The following GOLGA2 variants were observed in gnomAD, a reference collection of about 807,000 sequenced individuals.
The protein encoded by GOLGA2 is golgin A2.
A neutral mutation model predicts 148.8 loss-of-function variants in GOLGA2; 49 were observed. The observed-to-expected ratio is 0.33, with a 90% CI of 0.26 to 0.42. The LOEUF (loss-of-function observed/expected upper bound fraction) is 0.42. Ranked by LOEUF, GOLGA2 falls within the 10% of genes least tolerant of loss-of-function variation. The probability of loss-of-function intolerance (pLI) is 1.00; values close to 1 mark genes in which losing one functional copy is unlikely to be tolerated. For synonymous variants in GOLGA2, 501 were observed against 511.8 expected, an observed-to-expected ratio of 0.98 and a Z score of 0.28; for missense variants, 1,178 against 1,304.6, an observed-to-expected ratio of 0.90 and a Z score of 1.49.
chr9:128,261,109 TA>T lies in GOLGA2; in HGVS notation c.1420+62del. 1 of 1,170,576 alleles carries T rather than the reference TA, an allele frequency of 8.5e-7. No individual in the cohort carries two copies. Among genetic ancestry groups the T allele is most frequent in the Non-Finnish European group, 1.3e-6 (1 of 776,550 alleles). The allele number at this position is 1,170,576 out of a possible 1,614,324, so 72.5% of individuals were successfully genotyped here. A position where few individuals can be genotyped will look rare whatever the true frequency, so the allele number is the denominator to read the frequency against. On this transcript the variant is annotated intron_variant, in intron 17 of 26. Transcript: ENST00000611957. This position sits in a 1 kb window ranked among gnomAD's most constrained non-coding sequence, Gnocchi z 5.7. ...ATCCACCCAACTCCCTGGGGCATTC[TA>T]AACCACCCCCACAACCCTCTGACAC...
intron 1 of GOLGA2, 38 bp from the exon 2 acceptor site, chr9:128,274,010 C>T (rs762611189): frequency 8.1e-6 from 13 of 1,596,646 alleles, no homozygotes; most frequent in South Asian, 4.4e-5. Flanking sequence ...ATGAGATCTA[C>T]AAGCCCCCAC....
At chr9:128,267,298 A>C in intron 7 of GOLGA2, 24 bp from the exon 8 acceptor site, 1 of 1,542,046 alleles carries the variant, frequency 6.5e-7, no homozygotes. Flanking sequence ...AGAGAGGAGG[A>C]GTTGGAGGAG....
At chr9:128,263,584 A>AT (rs1264556863) in intron 12 of GOLGA2, among the ~76,000 whole-genome samples, 1 of 151,796 alleles carries the variant, frequency 6.6e-6, no homozygotes, top group African/African-American at 2.4e-5. Context: ...CACCCGGCTA[A>AT]TTTTTTTGTA....
rs1290233015 is a variant in GOLGA2, at chr9:128,260,675, G to T, written c.1548C>A (p.Asp516Glu). The T allele has an allele frequency of 6.2e-7, 1 of 1,613,324 alleles. No individual in the cohort carries two copies. The highest frequency in any genetic ancestry group is 8.5e-7 in the Non-Finnish European group (1 of 1,179,990). The change falls in exon 18 of 27, where the codon GAC becomes GAA. Residue 516 changes from aspartate to glutamate, a missense_variant. By Grantham distance (45) the Asp-to-Glu change is conservative. Around this residue, in one of 5 missense-constraint regions of GOLGA2, gnomAD observed 529 missense variants for 521.8 expected, o/e 1.01. Coordinates refer to ENST00000611957, the MANE Select transcript of GOLGA2 (RefSeq NM_001366244.2). The surrounding 1 kb of genome is among the most constrained non-coding windows in gnomAD (Gnocchi z 4.8). Reference protein sequence around the residue: ...LAGQLQAQVQDNEGLSRLNRE... With the variant: ...LAGQLQAQVQENEGLSRLNRE... ...GGTTCAGGCGACTCAAGCCCTCATTGTCTTGCACCTGGGCTTGAAGCTGTC... is the reference window on the plus strand; with the variant it reads ...GGTTCAGGCGACTCAAGCCCTCATTTTCTTGCACCTGGGCTTGAAGCTGTC...
chr9:128,275,962 G>T lies in GOLGA2; in HGVS notation c.15C>A (p.Pro5=). 1 of 1,596,358 alleles carries T rather than the reference G, an allele frequency of 6.3e-7. No individual in the cohort carries two copies. The highest frequency in any genetic ancestry group is 2.3e-5 in the East Asian group (1 of 44,364). ...ACATCGCGGGGCGGGGAGGGAGGCG[G>T]GGTTGGGGCCACATCAGCGCGATCC... The part of the protein sequence containing the change: MWPQ[P]RLPPRPAMSE... Residue 5 remains proline, a synonymous_variant, in exon 1 of 27, where the codon CCC becomes CCA. Transcript: ENST00000611957.
At position 128,258,285 on chromosome 9, in the gene GOLGA2, T is replaced by A. The variant is rs1830030806; in HGVS notation, c.2290-87A>T. Reference sequence around the variant, plus strand: ...AGAGAGCAGCCCTTCCCTTGGGGCCTCAGAGGGTGCACTTGTTGGTCCCAA... The same window carrying A: ...AGAGAGCAGCCCTTCCCTTGGGGCCACAGAGGGTGCACTTGTTGGTCCCAA... On this transcript the variant is annotated intron_variant, in intron 22 of 26. Transcript: ENST00000611957. This position sits in a 1 kb window ranked among gnomAD's most constrained non-coding sequence, Gnocchi z 6.6. 2.5e-6 allele frequency: 3 copies of A among 1,181,948 alleles called. No individual in the cohort carries two copies. Among genetic ancestry groups the A allele is most frequent in the Middle Eastern group, 2.0e-4 (1 of 5,054 alleles). 73.2% of individuals were successfully genotyped at this position (1,181,948 alleles called of 1,614,324 possible). A position where few individuals can be genotyped will look rare whatever the true frequency, so the allele number is the denominator to read the frequency against.
rs1314739381 is a variant in GOLGA2 at position 128,261,466 on chromosome 9, C to T, written c.1320G>A (p.Gln440=). The T allele has an allele frequency of 6.3e-7, 1 of 1,592,042 alleles. No homozygotes were observed. The highest frequency in any genetic ancestry group is 2.2e-5 in the East Asian group (1 of 44,774). Residue 440 remains glutamine, a synonymous_variant, in exon 16 of 27, where the codon CAG becomes CAA. Transcript: ENST00000611957. This position sits in a 1 kb window ranked among gnomAD's most constrained non-coding sequence, Gnocchi z 5.7. The part of the protein sequence containing the change: ...ESAMWRQRMQ[Q]MSEQVHTLRE... ...GGTCAGGTCTCACCTGCTCTGACAT[C>T]TGCTGCATCCTCTGCCGCCACATGG... is the stretch of plus-strand genomic sequence containing the variant.
Position 128,266,236 on chromosome 9 carries a change from G to T in GOLGA2, c.681+51C>A. On this transcript the variant is annotated intron_variant, in intron 9 of 26. Transcript: ENST00000611957. The surrounding 1 kb of genome is among the most constrained non-coding windows in gnomAD (Gnocchi z 4.2). ...GAGACTGAGGCCTCTACATTTGAAT[G>T]CCCCCCAAACCCAGCAGTCATGTTG... 1 of 1,520,722 alleles carries T rather than the reference G, an allele frequency of 6.6e-7. No homozygotes were observed. The highest frequency in any genetic ancestry group is 9.1e-7 in the Non-Finnish European group (1 of 1,095,604). The allele number at this position is 1,520,722 out of a possible 1,614,324, so 94.2% of individuals were successfully genotyped here. A position where few individuals can be genotyped will look rare whatever the true frequency, so the allele number is the denominator to read the frequency against.
Position 128,261,909 on chromosome 9 carries a change from T to C in GOLGA2, c.1135-152A>G. The C allele has an allele frequency of 5.0e-6, 3 of 602,750 alleles. No individual in the cohort carries two copies. The South Asian group carries it at 6.2e-5, about 12-fold the overall frequency. The allele number at this position is 602,750 out of a possible 1,614,324, so 37.3% of individuals were successfully genotyped here. On this transcript the variant is annotated intron_variant, in intron 14 of 26. Coordinates refer to ENST00000611957, the MANE Select transcript of GOLGA2 (RefSeq NM_001366244.2). This position sits in a 1 kb window ranked among gnomAD's most constrained non-coding sequence, Gnocchi z 5.7. ...TTGCTTTAGAAATAAAAAATAATTT[T>C]AAAAAGATCTCAGGCCAGGCATGGT... is the stretch of plus-strand genomic sequence containing the variant.
chr9:128,256,970 T>G lies in GOLGA2; in HGVS notation c.*97A>C. The G allele has an allele frequency of 1.1e-6, 1 of 900,458 alleles. No individual in the cohort carries two copies. 55.8% of individuals were successfully genotyped at this position (900,458 alleles called of 1,614,324 possible). On this transcript the variant is annotated 3_prime_UTR_variant, in exon 27 of 27. Transcript: ENST00000611957. ...AGACAGGGGTCTATGCTTGCTACTGTAAGGGTAAAGGGTTGACTGAGAAGG... is the reference window on the plus strand; with the variant it reads ...AGACAGGGGTCTATGCTTGCTACTGGAAGGGTAAAGGGTTGACTGAGAAGG...
At position 128,257,339 on chromosome 9, in the gene GOLGA2, C is replaced by T; in HGVS notation, c.2875+30G>A. The stretch of plus-strand genomic sequence containing the variant: ...CACGCGAGCCCTCCCTTACTCCTGC[C>T]TGCCCACCCCTCCCGAGGGCTCTAC... On this transcript the variant is annotated intron_variant, in intron 26 of 26. Transcript: ENST00000611957. The surrounding 1 kb of genome is among the most constrained non-coding windows in gnomAD (Gnocchi z 8.0). 6.2e-7 allele frequency: 1 copy of T among 1,613,050 alleles called. No individual in the cohort carries two copies. Among genetic ancestry groups the T allele is most frequent in the Non-Finnish European group, 8.5e-7 (1 of 1,179,932 alleles).
At position 128,258,474 on chromosome 9, in the gene GOLGA2, A is replaced by G; in HGVS notation, c.2270T>C (p.Leu757Pro). The change falls in exon 22 of 27, where the codon CTG becomes CCG. Residue 757 changes from leucine to proline, a missense_variant. Coordinates refer to ENST00000611957, the MANE Select transcript of GOLGA2 (RefSeq NM_001366244.2). The surrounding 1 kb of genome is among the most constrained non-coding windows in gnomAD (Gnocchi z 6.6). ...PQPMPSIPEDLESREAMVAFF... is the reference protein window; with the variant it reads ...PQPMPSIPEDPESREAMVAFF... ...CCTCACCATGGCTTCCCGGCTCTCC[A>G]GGTCCTCCGGGATGCTTGGCATGGG... 1 of 1,612,922 alleles carries G rather than the reference A, an allele frequency of 6.2e-7. No individual in the cohort carries two copies. The highest frequency in any genetic ancestry group is 1.1e-5 in the South Asian group (1 of 90,832).
In GOLGA2 at chr9:128,266,177, G is replaced by T; in HGVS notation, c.681+110C>A. 7.3e-7 allele frequency: 1 copy of T among 1,365,656 alleles called. No individual in the cohort carries two copies. The highest frequency in any genetic ancestry group is 1.0e-6 in the Non-Finnish European group (1 of 954,746). The allele number at this position is 1,365,656 out of a possible 1,614,324, so 84.6% of individuals were successfully genotyped here. A position where few individuals can be genotyped will look rare whatever the true frequency, so the allele number is the denominator to read the frequency against. On this transcript the variant is annotated intron_variant, in intron 9 of 26. Coordinates refer to ENST00000611957, the MANE Select transcript of GOLGA2 (RefSeq NM_001366244.2). This position sits in a 1 kb window ranked among gnomAD's most constrained non-coding sequence, Gnocchi z 4.2. ...GGGATGGGGTGGAATCTGGGGGGGT[G>T]AGCCTTCTTCCCCAGGCTGGGAGTG...
rs1588497386 is a variant in GOLGA2 at position 128,275,806 on chromosome 9, T to A, written c.84+87A>T. On this transcript the variant is annotated intron_variant, in intron 1 of 26. Coordinates refer to ENST00000611957, the MANE Select transcript of GOLGA2 (RefSeq NM_001366244.2). Reference sequence around the variant, plus strand: ...CGTGGGGAGCCCAGCCCGGTGTGCCTCAGGAGTGGCAGAGACTCTGGCCAT... The same window carrying A: ...CGTGGGGAGCCCAGCCCGGTGTGCCACAGGAGTGGCAGAGACTCTGGCCAT... The A allele has an allele frequency of 5.5e-6, 4 of 728,744 alleles. No homozygotes were observed. In the East Asian group the frequency reaches 1.2e-4, roughly 22 times the overall value. The allele number at this position is 728,744 out of a possible 1,614,324, so 45.1% of individuals were successfully genotyped here. A position where few individuals can be genotyped will look rare whatever the true frequency, so the allele number is the denominator to read the frequency against.
chr9:128,265,518 C>T (rs923249531), intron 12 of GOLGA2, 67 bp downstream of exon 12: 8 of 1,153,920 alleles, frequency 6.9e-6, no homozygotes, highest in South Asian at 3.7e-5. Flanking sequence ...GCAGAAGGGA[C>T]CTTTAGGCTC....
intron 1 of GOLGA2, 98 bp from the exon 2 acceptor site, chr9:128,274,070 G>T: frequency 8.9e-7 from 1 of 1,124,218 alleles, no homozygotes; most frequent in South Asian, 1.5e-5. Flanking sequence ...TATACCATCT[G>T]ATTTAATGCC....
Position 128,258,021 on chromosome 9 carries a change from C to T in GOLGA2, c.2467G>A (p.Glu823Lys), listed in dbSNP as rs756492291. Reference sequence around the variant, plus strand: ...GCCCCCTGCAGGGCCCGGTGGGTCTCCCCACACACAGAATCACCCCCGGTC... The same window carrying T: ...GCCCCCTGCAGGGCCCGGTGGGTCTTCCCACACACAGAATCACCCCCGGTC... ...PGTGGDSVCG[E>K]THRALQGAME... The change falls in exon 23 of 27, where the codon GAG becomes AAG. Residue 823 changes from glutamate to lysine, a missense_variant. By Grantham distance (56) the Glu-to-Lys change is moderately conservative (BLOSUM62 1). This residue lies in a region of GOLGA2 where 529 missense variants were observed against 521.8 expected (regional missense o/e 1.01). Coordinates refer to ENST00000611957, the MANE Select transcript of GOLGA2 (RefSeq NM_001366244.2). The surrounding 1 kb of genome is among the most constrained non-coding windows in gnomAD (Gnocchi z 6.6). 6.2e-7 allele frequency: 1 copy of T among 1,611,784 alleles called. No individual in the cohort carries two copies. The highest frequency in any genetic ancestry group is 8.5e-7 in the Non-Finnish European group (1 of 1,179,134).
chr9:128,274,648 G>A (rs1831191796), intron 1 of GOLGA2, among the ~76,000 whole-genome samples: 1 of 152,178 alleles, frequency 6.6e-6, no homozygotes, highest in Admixed American at 6.5e-5. Flanking sequence ...TTACATCAAT[G>A]TATCCACATG....
chr9:128,267,359 G>T, intron 7 of GOLGA2, 85 bp from the exon 8 acceptor site: 1 of 1,401,342 alleles, frequency 7.1e-7, no homozygotes, highest in Non-Finnish European at 1.0e-6. Flanking sequence ...GGGGTGTGTG[G>T]GCTGTCTCAG....
Sources: allele counts gnomAD v4.1 joint callset (sites outside exome capture counted in the v4.1 genomes callset), GRCh38; gene constraint gnomAD v4.1.1; regional missense constraint gnomAD v4.1.1; non-coding constraint Gnocchi (gnomAD v3.1); transcripts MANE v1.5; gene names NCBI Gene and HGNC (gene_info 2026-07-23, HGNC 2026-07-21).